The following ANO2 variants were observed in gnomAD, a reference collection of about 807,000 sequenced individuals.
ANO2 encodes the protein anoctamin 2, also known as anoctamin-2.
Under a neutral mutation model 124.2 loss-of-function variants are expected in ANO2, and 101 were observed. The ratio of observed to expected loss-of-function variants is 0.81; its 90% confidence interval spans 0.69 to 0.96. The LOEUF (loss-of-function observed/expected upper bound fraction) is 0.96. ANO2 is among the 40% of genes least tolerant of loss of function. The probability of loss-of-function intolerance (pLI) is 0.00; values close to 1 mark genes in which losing one functional copy is unlikely to be tolerated. For synonymous variants in ANO2, 486 were observed against 482.5 expected, an observed-to-expected ratio of 1.01 and a Z score of -0.09; for missense variants, 1,293 against 1,274.5, an observed-to-expected ratio of 1.01 and a Z score of -0.22.
chr12:5,708,166 G>A (rs7312461), intron 14 of ANO2, among the ~76,000 whole-genome samples: 170 of 151,370 alleles, frequency 1.1e-3, no homozygotes, highest in African/African-American at 3.9e-3. Flanking sequence ...CCCAGTGAAC[G>A]CTCTCCTGAG....
intron 14 of ANO2, among the ~76,000 whole-genome samples, chr12:5,679,591 C>A (rs1047905537): frequency 6.6e-6 from 1 of 152,156 alleles, no homozygotes; most frequent in African/African-American, 2.4e-5. Context: ...CAATGAGATA[C>A]CATCACATGC....
Position 5,750,958 on chromosome 12 carries a change from T to A in ANO2, c.1068A>T (p.Gly356=). ...QPIDLIRKYF[G]EKIGLYFAWL... Reference sequence around the variant, plus strand: ...AGGCAAAATACAGTCCAATTTTTTCTCCAAAATACTTTCTGGAAAAGAAAG... The same window carrying A: ...AGGCAAAATACAGTCCAATTTTTTCACCAAAATACTTTCTGGAAAAGAAAG... Residue 356 remains glycine (G), a synonymous_variant, in exon 11 of 25, where the codon GGA becomes GGT. Coordinates refer to ENST00000682330, the MANE Select transcript of ANO2 (RefSeq NM_001364791.2). The A allele has an allele frequency of 6.3e-7, 1 of 1,599,334 alleles. No individual in the cohort carries two copies. The highest frequency in any genetic ancestry group is 8.5e-7 in the Non-Finnish European group (1 of 1,172,968).
Position 5,699,048 on chromosome 12 carries a change from C to T in ANO2, c.1545+33472G>A, listed in dbSNP as rs1370298520. 9.9e-5 allele frequency among the ~76,000 whole-genome samples: 15 copies of T among 152,278 alleles called. No individual in the cohort carries two copies. The South Asian group carries it at 1.9e-3, about 19-fold the overall frequency. On this transcript the variant is annotated intron_variant, in intron 14 of 24. Transcript: ENST00000682330. Reference sequence around the variant, plus strand: ...ATATTATCCAGGAGAACTTCCCCAACCTAGCAAGGCAAGCCAACATTCAAA... The same window carrying T: ...ATATTATCCAGGAGAACTTCCCCAATCTAGCAAGGCAAGCCAACATTCAAA...
chr12:5,618,333 G>C (rs910146835), intron 16 of ANO2, among the ~76,000 whole-genome samples: 1 of 152,198 alleles, frequency 6.6e-6, no homozygotes, highest in African/African-American at 2.4e-5. Context: ...CCTCCAGCGT[G>C]GGCCAATGGG....
intron 20 of ANO2, among the ~76,000 whole-genome samples, chr12:5,586,661 C>G (rs975914728): frequency 6.6e-6 from 1 of 152,264 alleles, no homozygotes; most frequent in Non-Finnish European, 1.5e-5. Context: ...ATCCCTCCAT[C>G]TGAAGCTCAG....
At position 5,815,705 on chromosome 12, in the gene ANO2, A is replaced by G. The variant is rs539233177; in HGVS notation, c.893-8337T>C. ...ACATTATGGTTTGCATATGTGTTCT[A>G]TTTTCTTCCTCCTAGTTTTGACATT... On this transcript the variant is annotated intron_variant, in intron 7 of 24. Transcript: ENST00000682330. Among the ~76,000 whole-genome samples, 10 of 152,062 alleles carry G rather than the reference A, an allele frequency of 6.6e-5. No individual in the cohort carries two copies. The East Asian group carries it at 1.9e-3, about 29-fold the overall frequency.
upstream of ANO2, chr12:5,946,172 C>G: frequency 1.2e-6 from 2 of 1,613,904 alleles, no homozygotes; most frequent in South Asian, 1.1e-5. The surrounding 1 kb of genome is among the most constrained non-coding windows in gnomAD (Gnocchi z 4.1). Context: ...AAGATTTTCT[C>G]TCCTATATTG....
At chr12:5,579,389 C>A (rs1942608749) in intron 20 of ANO2, among the ~76,000 whole-genome samples, 1 of 152,160 alleles carries the variant, frequency 6.6e-6, no homozygotes, top group African/African-American at 2.4e-5. Context: ...CATGTAGAGT[C>A]CCTCAGCACA....
At chr12:5,675,708 C>T (rs2215738) in intron 14 of ANO2, among the ~76,000 whole-genome samples, 26,768 of 152,166 alleles carry the variant, frequency 0.18, 2,579 homozygotes, top group Admixed American at 0.26. Flanking sequence ...GATGTGCTTC[C>T]AAGACCCAGC....
intron 19 of ANO2, among the ~76,000 whole-genome samples, chr12:5,609,513 T>A (rs1358080829): frequency 6.6e-6 from 1 of 152,152 alleles, no homozygotes; most frequent in Non-Finnish European, 1.5e-5. Flanking sequence ...CCAGGTAAAT[T>A]AAACTGTCTC....
rs567966425 is a variant in ANO2, at chr12:5,578,776, A to C, written c.2234-258T>G. Among the ~76,000 whole-genome samples, 3 of 152,344 alleles carry C rather than the reference A, an allele frequency of 2.0e-5. No homozygotes were observed. The South Asian group carries it at 6.2e-4, about 32-fold the overall frequency. On this transcript the variant is annotated intron_variant, in intron 20 of 24. Transcript: ENST00000682330. ...GGGAGATACAAGAAAAAAAAGTCTT[A>C]ATTGCTTCCTTTACCCTTTACTGCC...
At chr12:5,578,119 G>GC (rs938501522) in intron 21 of ANO2, 112 bp from the exon 22 acceptor site, 54 of 1,372,496 alleles carry the variant, frequency 3.9e-5, no homozygotes, top group Middle Eastern at 2.4e-4. Flanking sequence ...GCTTTGCTGG[G>GC]CCCCCCCAGA....
chr12:5,910,933 G>A (rs1245228345), intron 3 of ANO2, among the ~76,000 whole-genome samples: 1 of 152,166 alleles, frequency 6.6e-6, no homozygotes, highest in Non-Finnish European at 1.5e-5. Flanking sequence ...CAGCATCTCA[G>A]CATCCTGAGG....
chr12:5,759,344 G>A (rs1951673013), intron 10 of ANO2, among the ~76,000 whole-genome samples: 1 of 152,098 alleles, frequency 6.6e-6, no homozygotes, highest in Non-Finnish European at 1.5e-5. Context: ...GAAGATCAAA[G>A]TCATTATATA....
intron 19 of ANO2, among the ~76,000 whole-genome samples, chr12:5,610,969 C>G (rs925757348): frequency 3.2e-5 from 3 of 93,930 alleles, no homozygotes; most frequent in African/African-American, 1.2e-4. Context: ...ACAAACTTCT[C>G]TGCTTTTTTT....
At chr12:5,742,998 G>C (rs941251905) in intron 12 of ANO2, among the ~76,000 whole-genome samples, 1 of 152,022 alleles carries the variant, frequency 6.6e-6, no homozygotes, top group Non-Finnish European at 1.5e-5. Context: ...TGCTCTCCCT[G>C]ATAATAGAGA....
At chr12:5,858,752 A>G (rs1955182474) in intron 3 of ANO2, 1 of 152,220 alleles carries the variant, frequency 6.6e-6, no homozygotes, top group African/African-American at 2.4e-5. Context: ...GATTAGCTCT[A>G]CCCAGGTAAA....
intron 3 of ANO2, among the ~76,000 whole-genome samples, chr12:5,871,686 A>G (rs1324092392): frequency 6.6e-6 from 1 of 152,212 alleles, no homozygotes; most frequent in African/African-American, 2.4e-5. Context: ...CCTACCCACC[A>G]GTCCATGGAA....
intron 5 of ANO2, 111 bp downstream of exon 5, chr12:5,832,341 C>T: frequency 1.5e-6 from 2 of 1,290,432 alleles, no homozygotes; most frequent in Admixed American, 2.1e-5. Flanking sequence ...ACTCTCTCTC[C>T]CAGGCACTGG....
Sources: allele counts gnomAD v4.1 joint callset (sites outside exome capture counted in the v4.1 genomes callset), GRCh38; gene constraint gnomAD v4.1.1; non-coding constraint Gnocchi (gnomAD v3.1); transcripts MANE v1.5; gene names NCBI Gene and HGNC (gene_info 2026-07-23, HGNC 2026-07-21).